Variants in CEP95 observed in about 807,000 individuals in gnomAD.
CEP95 encodes centrosomal protein of 95 kDa.
CEP95 carries 98 observed loss-of-function variants against 111.2 expected under a neutral mutation model. The ratio of observed to expected loss-of-function variants is 0.88; its 90% CI spans 0.75 to 1.04. The LOEUF (loss-of-function observed/expected upper bound fraction) is 1.04, where lower values mean the gene tolerates loss of function less well. Among genes scored for constraint, CEP95 ranks in the 50% least tolerant of loss-of-function variants. CEP95 has a pLI of 0.00. For synonymous variants in CEP95, 323 were observed against 327.1 expected, an observed-to-expected ratio of 0.99 and a Z score of 0.14; for missense variants, 1,027 against 977.2, an observed-to-expected ratio of 1.05 and a Z score of -0.68.
intron 13 of CEP95, among the ~76,000 whole-genome samples, chr17:64,531,294 C>T (rs935010786): frequency 1.3e-5 from 2 of 152,068 alleles, no homozygotes; most frequent in Admixed American, 6.6e-5. Flanking sequence ...AGCAGTTCAC[C>T]AGGGGCTTAA....
intron 1 of CEP95, chr17:64,508,236 T>G: frequency 4.1e-6 from 4 of 980,080 alleles, no homozygotes; most frequent in Non-Finnish European, 4.8e-6. Flanking sequence ...ATTAAACTGT[T>G]GTTTATGACA....
At chr17:64,527,701 A>G (rs1967933099) in intron 11 of CEP95, among the ~76,000 whole-genome samples, 1 of 152,090 alleles carries the variant, frequency 6.6e-6, no homozygotes, top group Middle Eastern at 3.4e-3. Flanking sequence ...TTAGAAATCT[A>G]TTTATGTTGA....
chr17:64,534,559 T>TCTTCC, intron 16 of CEP95, 26 bp from the exon 17 acceptor site: 2 of 1,606,520 alleles, frequency 1.2e-6, no homozygotes, highest in Middle Eastern at 1.7e-4. Flanking sequence ...CTTACCCTTC[T>TCTTCC]CTTCCCTCCC....
intron 3 of CEP95, among the ~76,000 whole-genome samples, chr17:64,512,637 T>C (rs1441041439): frequency 6.6e-6 from 1 of 152,238 alleles, no homozygotes; most frequent in Non-Finnish European, 1.5e-5. Flanking sequence ...AGGAGATAAA[T>C]GTTAATCAGG....
At chr17:64,507,988 C>T in intron 1 of CEP95, 1 of 985,348 alleles carries the variant, frequency 1.0e-6, no homozygotes, top group Non-Finnish European at 1.2e-6. Context: ...TTCTGAGCTT[C>T]ATGTACTTCC....
intron 17 of CEP95, 59 bp from the exon 18 acceptor site, chr17:64,536,543 C>A: frequency 1.5e-6 from 2 of 1,342,608 alleles, no homozygotes; most frequent in African/African-American, 1.5e-5. Context: ...CAGTATATAC[C>A]TCTAGTTGGC....
At chr17:64,518,915 A>C (rs1204690288) in intron 5 of CEP95, among the ~76,000 whole-genome samples, 3 of 152,158 alleles carry the variant, frequency 2.0e-5, no homozygotes, top group Non-Finnish European at 4.4e-5. Flanking sequence ...CCCTGACCTC[A>C]GGCAATCCAC....
intron 1 of CEP95, chr17:64,507,451 C>T (rs1490249525): frequency 3.0e-6 from 4 of 1,324,046 alleles, no homozygotes; most frequent in Non-Finnish European, 3.9e-6. Flanking sequence ...GCCCTCCGCC[C>T]TTGCACTATG....
Position 64,516,730 on chromosome 17 carries a change from T to A in CEP95, c.375T>A (p.Thr125=). The A allele has an allele frequency of 6.2e-7, 1 of 1,601,408 alleles. No individual in the cohort carries two copies. Among genetic ancestry groups the A allele is most frequent in the Non-Finnish European group, 8.6e-7 (1 of 1,168,854 alleles). ...TTTATCTGTTCTGAACAGGTGAAAC[T>A]GAACAGTATTTTAAAGAATCTGATC... ...ISETSHEKSE[T]EQYFKESDRG... is the part of the protein sequence containing the mutation. The change falls in exon 5 of 20, where the codon ACT becomes ACA. Residue 125 remains threonine (T), a synonymous_variant. Transcript: ENST00000556440.
intron 3 of CEP95, among the ~76,000 whole-genome samples, chr17:64,512,400 C>T (rs2038943344): frequency 6.6e-6 from 1 of 152,126 alleles, no homozygotes; most frequent in South Asian, 2.1e-4. Context: ...AAGTTTTTTT[C>T]TGTAATTAAA....
intron 18 of CEP95, 145 bp downstream of exon 18, chr17:64,536,893 A>C: frequency 8.4e-7 from 1 of 1,197,202 alleles, no homozygotes; most frequent in Non-Finnish European, 1.2e-6. Context: ...TTCAAGATTG[A>C]AATTTAAGAT....
chr17:64,514,205 T>A (rs781939361), intron 3 of CEP95, 43 bp from the exon 4 acceptor site: 14 of 772,652 alleles, frequency 1.8e-5, no homozygotes, highest in Non-Finnish European at 2.8e-5. Flanking sequence ...AGCTTTCAGA[T>A]TTCATGGTTA....
intron 14 of CEP95, 138 bp downstream of exon 14, chr17:64,532,160 T>G: frequency 7.3e-7 from 1 of 1,362,574 alleles, no homozygotes; most frequent in Non-Finnish European, 9.5e-7. Context: ...ATCACTGCCA[T>G]GTGGCTGGTT....
intron 4 of CEP95, 97 bp from the exon 5 acceptor site, chr17:64,516,626 G>T: frequency 3.5e-6 from 2 of 576,616 alleles, no homozygotes. Flanking sequence ...GGCAAGTTAG[G>T]GGTGCCTCAC....
chr17:64,532,133 G>GTTTT, intron 14 of CEP95, 111 bp downstream of exon 14: 1 of 1,150,886 alleles, frequency 8.7e-7, no homozygotes. Flanking sequence ...GCCGAAGAAA[G>GTTTT]TTTTTTTTTT....
In CEP95 at chr17:64,522,706, A is replaced by T. The variant is rs1555678147; in HGVS notation, c.720A>T (p.Glu240Asp). 1.2e-6 allele frequency: 2 copies of T among 1,611,800 alleles called. No individual in the cohort carries two copies. The highest frequency in any genetic ancestry group is 1.7e-6 in the Non-Finnish European group (2 of 1,178,904). Residue 240 changes from glutamate to aspartate, a missense_variant, in exon 8 of 20, where the codon GAA (glutamate) becomes GAT (aspartate). Coordinates refer to ENST00000556440, the MANE Select transcript of CEP95 (RefSeq NM_138363.3). The stretch of plus-strand genomic sequence containing the variant: ...CACTTTAATTTGTCTTACTAGCGGA[A>T]ACCCTTTCTGTGAGTGGGATTCCAA... ...KSRTSFVEDT[E>D]TLSVSGIPNA...
intron 19 of CEP95, 167 bp from the exon 20 acceptor site, chr17:64,537,436 T>G (rs1289064813): frequency 1.4e-5 from 20 of 1,380,502 alleles, no homozygotes; most frequent in Non-Finnish European, 1.9e-5. Flanking sequence ...ACCCAAGACA[T>G]TTTTATCCTA....
intron 3 of CEP95, among the ~76,000 whole-genome samples, chr17:64,512,235 T>A (rs1374240558): frequency 6.6e-6 from 1 of 152,230 alleles, no homozygotes; most frequent in Non-Finnish European, 1.5e-5. Flanking sequence ...TGCAGTTGTT[T>A]GCAATCGGAA....
At chr17:64,506,849 G>C (rs2038557440), upstream of CEP95, 1 of 608,274 alleles carries the variant, frequency 1.6e-6, no homozygotes. Context: ...GACGGGTTTT[G>C]GTCGGCGGAG....
Sources: gnomAD v4.1 joint callset for allele counts (sites outside exome capture counted in the v4.1 genomes callset) on GRCh38, gnomAD v4.1.1 for gene constraint, MANE v1.5 for transcripts, NCBI Gene and HGNC (gene_info 2026-07-23, HGNC 2026-07-21) for gene names.